Variants in WWOX observed in about 807,000 individuals in gnomAD.
The protein encoded by WWOX is WW domain containing oxidoreductase, also known as WW domain-containing oxidoreductase.
WWOX carries 69 observed loss-of-function variants against 46.2 expected under a neutral mutation model. That is an observed-to-expected ratio of 1.49 (90% CI 1.23 to 1.82). The LOEUF (loss-of-function observed/expected upper bound fraction) is 1.82, where lower values mean the gene tolerates loss of function less well. Among genes scored for constraint, WWOX ranks in the 40% most tolerant of loss-of-function variants. The probability of loss-of-function intolerance (pLI) is 0.00; values close to 1 mark genes in which losing one functional copy is unlikely to be tolerated. For synonymous variants in WWOX, 359 were observed against 202.6 expected (o/e 1.77, Z -6.56); for missense variants, 919 against 542.6 (o/e 1.69, Z -6.89).
chr16:79,008,877 G>T (rs889745), intron 8 of WWOX, among the ~76,000 whole-genome samples: 98,027 of 152,120 alleles, frequency 0.64, 33,444 homozygotes, highest in East Asian at 0.86. Flanking sequence ...GGAGCCACGT[G>T]TGTATAATGA....
chr16:78,652,075 G>C (rs1014686509), intron 8 of WWOX, among the ~76,000 whole-genome samples: 1 of 152,120 alleles, frequency 6.6e-6, no homozygotes, highest in African/African-American at 2.4e-5. Context: ...TGATAAGCCA[G>C]ATGTCCAGAA....
At chr16:78,329,330 A>G (rs956915500) in intron 5 of WWOX, among the ~76,000 whole-genome samples, 12 of 152,150 alleles carry the variant, frequency 7.9e-5, no homozygotes, top group African/African-American at 2.9e-4. Flanking sequence ...GGGCTCTCTG[A>G]TAGAAATATG....
chr16:78,950,517 A>AACACAC (rs748466625), intron 8 of WWOX, among the ~76,000 whole-genome samples: 1 of 105,152 alleles, frequency 9.5e-6, no homozygotes, highest in African/African-American at 3.5e-5. Context: ...CTATTAAAGG[A>AACACAC]ACACACACAC....
intron 5 of WWOX, among the ~76,000 whole-genome samples, chr16:78,262,004 C>G (rs1323695418): frequency 7.0e-6 from 1 of 143,042 alleles, no homozygotes; most frequent in South Asian, 2.2e-4. Flanking sequence ...AAGAAAGAAT[C>G]GCTTGAACCT....
rs756202582 is a variant in WWOX, at chr16:78,702,290, TATAAA to T, written c.1056+269550_1056+269554del. On this transcript the variant is annotated intron_variant, in intron 8 of 8. Transcript: ENST00000566780. ...GTGAGACTTTGTCTCAAAAATAAAATATAAAATAAAATAAAAAGGAAGAAATAGCC... is the reference window on the plus strand; with the variant it reads ...GTGAGACTTTGTCTCAAAAATAAAATATAAAATAAAAAGGAAGAAATAGCC... Among the ~76,000 whole-genome samples, 9 of 150,132 alleles carry T rather than the reference TATAAA, an allele frequency of 6.0e-5. No homozygotes were observed. The East Asian group carries it at 7.9e-4, about 13-fold the overall frequency.
chr16:78,206,353 T>C (rs910017150), intron 5 of WWOX, among the ~76,000 whole-genome samples: 1 of 152,056 alleles, frequency 6.6e-6, no homozygotes, highest in South Asian at 2.1e-4. Flanking sequence ...GGAACAACCA[T>C]TAGAAAGGAG....
intron 8 of WWOX, among the ~76,000 whole-genome samples, chr16:78,973,061 T>A (rs1030548784): frequency 2.6e-5 from 4 of 152,236 alleles, no homozygotes; most frequent in African/African-American, 9.6e-5. Flanking sequence ...TCCCCTGGGA[T>A]TAAACAGCTG....
At chr16:79,175,917 G>T (rs549606066) in intron 8 of WWOX, among the ~76,000 whole-genome samples, 1 of 152,260 alleles carries the variant, frequency 6.6e-6, no homozygotes, top group African/African-American at 2.4e-5. Context: ...TGGTCATGCT[G>T]TAATCTCTAC....
intron 8 of WWOX, among the ~76,000 whole-genome samples, chr16:78,599,762 T>C (rs1202943795): frequency 6.6e-6 from 1 of 152,028 alleles, no homozygotes. Flanking sequence ...CCCGGGAGAC[T>C]GGGGGTGCTG....
At chr16:78,819,607 C>G (rs2051437982) in intron 8 of WWOX, among the ~76,000 whole-genome samples, 1 of 139,246 alleles carries the variant, frequency 7.2e-6, no homozygotes. Flanking sequence ...TTGCAAGGAG[C>G]AGCACCTCTG....
intron 8 of WWOX, chr16:78,757,120 T>G: frequency 1.5e-6 from 1 of 676,858 alleles, no homozygotes; most frequent in East Asian, 2.7e-5. Flanking sequence ...AGCCCCTATC[T>G]AGAACCACCG....
At chr16:78,683,322 G>A (rs1252473451) in intron 8 of WWOX, among the ~76,000 whole-genome samples, 1 of 151,574 alleles carries the variant, frequency 6.6e-6, no homozygotes, top group Non-Finnish European at 1.5e-5. Context: ...TGGATTGCCT[G>A]AGCTCAGGAG....
chr16:79,188,531 C>G (rs922736840), intron 8 of WWOX, among the ~76,000 whole-genome samples: 4 of 152,176 alleles, frequency 2.6e-5, no homozygotes, highest in African/African-American at 9.7e-5. Context: ...AATTGGAATG[C>G]CTCAGAATCA....
chr16:78,528,738 A>G (rs1166771386), intron 8 of WWOX, among the ~76,000 whole-genome samples: 1 of 152,010 alleles, frequency 6.6e-6, no homozygotes, highest in Non-Finnish European at 1.5e-5. Flanking sequence ...GTGAAAATGA[A>G]CTTTAGGTAG....
rs202117911 is a variant in WWOX, at chr16:78,709,407, C to CG, written c.1056+276658dup. 4.4e-3 allele frequency among the ~76,000 whole-genome samples: 675 copies of CG among 152,262 alleles called. 6 individuals are homozygous for CG. Among genetic ancestry groups the CG allele is most frequent in the African/African-American group, 0.014 (563 of 41,550 alleles). On this transcript the variant is annotated intron_variant, in intron 8 of 8. Transcript: ENST00000566780. ...ATTCCGGTTCACAGGGCCTGGGTAG[C>CG]GGGCCCAGCCTGTTGCAAGTAATCG... is the stretch of plus-strand genomic sequence containing the variant.
At chr16:78,352,089 C>T (rs1044562778) in intron 5 of WWOX, among the ~76,000 whole-genome samples, 3 of 152,182 alleles carry the variant, frequency 2.0e-5, no homozygotes, top group Non-Finnish European at 4.4e-5. Context: ...ACAAGAGGGT[C>T]AGTGCCCCAT....
At chr16:78,332,970 TTATAA>T (rs901493349) in intron 5 of WWOX, among the ~76,000 whole-genome samples, 12 of 151,776 alleles carry the variant, frequency 7.9e-5, no homozygotes, top group African/African-American at 2.4e-4. Context: ...ACCCTTGTAC[TTATAA>T]TATAAAACAA....
At chr16:78,277,768 C>T (rs2079606749) in intron 5 of WWOX, among the ~76,000 whole-genome samples, 1 of 152,096 alleles carries the variant, frequency 6.6e-6, no homozygotes, top group Non-Finnish European at 1.5e-5. Flanking sequence ...ACAGATTCCC[C>T]CCGGGTGTGA....
At chr16:78,296,949 T>C (rs1282642376) in intron 5 of WWOX, among the ~76,000 whole-genome samples, 1 of 152,220 alleles carries the variant, frequency 6.6e-6, no homozygotes. Context: ...ATGGTGTTTA[T>C]TAAAGTCAAG....
Sources: gnomAD v4.1 joint callset for allele counts (sites outside exome capture counted in the v4.1 genomes callset) on GRCh38, gnomAD v4.1.1 for gene constraint, MANE v1.5 for transcripts, NCBI Gene and HGNC (gene_info 2026-07-23, HGNC 2026-07-21) for gene names.